Variants in ADAM12 observed in about 807,000 individuals in gnomAD.
The protein encoded by ADAM12 is ADAM metallopeptidase domain 12.
ADAM12 carries 70 observed loss-of-function variants against 106.4 expected under a neutral mutation model. The observed-to-expected ratio is 0.66, with a 90% CI of 0.54 to 0.80. The LOEUF is 0.80. Among genes scored for constraint, ADAM12 ranks in the 30% least tolerant of loss-of-function variants. The probability of loss-of-function intolerance (pLI) is 0.00; values close to 1 mark genes in which losing one functional copy is unlikely to be tolerated. For synonymous variants in ADAM12, 420 were observed against 433.5 expected, an observed-to-expected ratio of 0.97 and a Z score of 0.39; for missense variants, 1,010 against 1,171.9, an observed-to-expected ratio of 0.86 and a Z score of 2.02.
intron 2 of ADAM12, among the ~76,000 whole-genome samples, chr10:126,279,247 T>A (rs1314924530): frequency 6.6e-6 from 1 of 151,444 alleles, no homozygotes; most frequent in African/African-American, 2.4e-5. Context: ...TGAGACCCTA[T>A]CTCTACAAAA....
intron 1 of ADAM12, among the ~76,000 whole-genome samples, chr10:126,362,738 C>T (rs1402843281): frequency 1.3e-5 from 2 of 152,042 alleles, no homozygotes; most frequent in Non-Finnish European, 2.9e-5. Flanking sequence ...CTAAAACAAT[C>T]GAGCTCATAC....
chr10:126,154,504 G>T (rs1278546614), intron 4 of ADAM12, among the ~76,000 whole-genome samples: 5 of 152,196 alleles, frequency 3.3e-5, no homozygotes, highest in African/African-American at 1.2e-4. Flanking sequence ...AACCTTCAGT[G>T]ATAAGGGAGA....
chr10:126,150,222 C>T (rs1956704730), intron 4 of ADAM12, among the ~76,000 whole-genome samples: 1 of 152,100 alleles, frequency 6.6e-6, no homozygotes, highest in Non-Finnish European at 1.5e-5. Flanking sequence ...GTGGAGATAG[C>T]CTCAGTGCTG....
Position 126,229,634 on chromosome 10 carries a change from C to T in ADAM12, c.260+49281G>A, listed in dbSNP as rs866549574. Among the ~76,000 whole-genome samples the T allele has an allele frequency of 7.4e-5, 9 of 121,194 alleles. 1 individual carries two copies. The highest frequency in any genetic ancestry group is 2.6e-4 in the African/African-American group (8 of 30,596). The allele number at this position is 121,194 out of a possible 152,430, so 79.5% of individuals were successfully genotyped here. On this transcript the variant is annotated intron_variant, in intron 3 of 22. Coordinates refer to ENST00000448723, the MANE Select transcript of ADAM12 (RefSeq NM_001288973.2). ...TCCCTCCCCCTCCCTCTCCCCCTCTCTTCCTCTTCCCCCCCACTGTCTCCC... is the reference window on the plus strand; with the variant it reads ...TCCCTCCCCCTCCCTCTCCCCCTCTTTTCCTCTTCCCCCCCACTGTCTCCC...
chr10:126,365,484 G>C (rs1006738188), intron 1 of ADAM12, among the ~76,000 whole-genome samples: 35 of 152,126 alleles, frequency 2.3e-4, no homozygotes, highest in Non-Finnish European at 1.3e-4. Context: ...AGAAATGCCC[G>C]AGACTGGGTA....
intron 3 of ADAM12, among the ~76,000 whole-genome samples, chr10:126,180,527 A>C (rs1053052221): frequency 6.6e-6 from 1 of 152,194 alleles, no homozygotes; most frequent in Admixed American, 6.5e-5. Flanking sequence ...CTGACTGTAA[A>C]AGGTAAGCTT....
At chr10:126,236,409 T>C (rs1001817001) in intron 3 of ADAM12, among the ~76,000 whole-genome samples, 1 of 152,200 alleles carries the variant, frequency 6.6e-6, no homozygotes, top group Non-Finnish European at 1.5e-5. Flanking sequence ...AGGCTGGGAT[T>C]TGCTGAGTCT....
At chr10:126,183,408 T>C (rs1957348319) in intron 3 of ADAM12, among the ~76,000 whole-genome samples, 1 of 152,154 alleles carries the variant, frequency 6.6e-6, no homozygotes, top group Non-Finnish European at 1.5e-5. Context: ...ACCACCCGTG[T>C]GCGAGCAGGG....
chr10:126,385,688 T>C (rs1020985022), intron 1 of ADAM12, among the ~76,000 whole-genome samples: 2 of 151,686 alleles, frequency 1.3e-5, no homozygotes, highest in African/African-American at 2.4e-5. Flanking sequence ...CACTACTATA[T>C]TGGGTAGTTG....
chr10:126,062,911 A>G, intron 14 of ADAM12, among the ~76,000 whole-genome samples: 1 of 152,234 alleles, frequency 6.6e-6, no homozygotes, highest in East Asian at 1.9e-4. Flanking sequence ...TTTGGCCTGC[A>G]GCAGTAGCCG....
At chr10:126,375,081 A>G (rs143686149) in intron 1 of ADAM12, among the ~76,000 whole-genome samples, 1,763 of 152,162 alleles carry the variant, frequency 0.012, 31 homozygotes, top group African/African-American at 0.04. Flanking sequence ...AAAATCGCCA[A>G]CCTCTGGTTT....
At chr10:126,175,233 G>A (rs12773005) in intron 3 of ADAM12, among the ~76,000 whole-genome samples, 2,407 of 152,272 alleles carry the variant, frequency 0.016, 24 homozygotes, top group Non-Finnish European at 0.023. Context: ...GAACGCTGCC[G>A]AGAGAAACAC....
At chr10:126,138,184 CA>C (rs1296683167) in intron 4 of ADAM12, among the ~76,000 whole-genome samples, 1 of 152,084 alleles carries the variant, frequency 6.6e-6, no homozygotes, top group African/African-American at 2.4e-5. Flanking sequence ...GTTTATTGTC[CA>C]TTTTTATGTC....
At chr10:126,323,469 A>G (rs1298557387) in intron 2 of ADAM12, among the ~76,000 whole-genome samples, 2 of 152,154 alleles carry the variant, frequency 1.3e-5, no homozygotes, top group Non-Finnish European at 2.9e-5. Context: ...TAAAGGACCC[A>G]GAGTTGCCAA....
intron 3 of ADAM12, among the ~76,000 whole-genome samples, chr10:126,267,850 A>G (rs998986589): frequency 1.3e-5 from 2 of 152,090 alleles, no homozygotes; most frequent in African/African-American, 2.4e-5. Context: ...AGAAGAAACT[A>G]TCACCGTCTT....
intron 3 of ADAM12, among the ~76,000 whole-genome samples, chr10:126,248,673 GTATGTATGTATGTATTTATTTATT>G (rs1355820673): frequency 2.1e-4 from 24 of 113,236 alleles, no homozygotes; most frequent in Middle Eastern, 9.3e-3. Context: ...ATGTATGTAT[GTATGTATGTATGTATTTATTTATT>G]TATTTATTTA....
At chr10:126,384,963 C>G (rs1015137710) in intron 1 of ADAM12, among the ~76,000 whole-genome samples, 8 of 152,252 alleles carry the variant, frequency 5.3e-5, no homozygotes, top group African/African-American at 1.9e-4. Flanking sequence ...CACACCTATA[C>G]TTCTGACCAA....
intron 5 of ADAM12, among the ~76,000 whole-genome samples, chr10:126,121,113 A>ATATATGGTATATATAGTATATATGG (rs1554971942): frequency 5.9e-5 from 5 of 84,472 alleles, no homozygotes; most frequent in African/African-American, 2.6e-4. Flanking sequence ...TATATATAGT[A>ATATATGGTATATATAGTATATATGG]TATATATAGT....
At chr10:126,041,715 A>G in intron 18 of ADAM12, 1 of 1,019,960 alleles carries the variant, frequency 9.8e-7, no homozygotes, top group Non-Finnish European at 1.2e-6. Flanking sequence ...ACCAGTCATC[A>G]GGGCTGCCAA....
Sources: allele counts gnomAD v4.1 joint callset (sites outside exome capture counted in the v4.1 genomes callset), GRCh38; gene constraint gnomAD v4.1.1; transcripts MANE v1.5; gene names NCBI Gene and HGNC (gene_info 2026-07-23, HGNC 2026-07-21).